The following CSMD3 variants were observed in gnomAD, a reference collection of about 807,000 sequenced individuals.
CSMD3 encodes CUB and sushi domain-containing protein 3.
A neutral mutation model predicts 435.2 loss-of-function variants in CSMD3; 177 were observed. The ratio of observed to expected loss-of-function variants is 0.41; its 90% CI spans 0.36 to 0.46. The LOEUF is 0.46. CSMD3 is among the 20% of genes least tolerant of loss of function. The pLI is 0.34. For synonymous variants in CSMD3, 1,656 were observed against 1,520.5 expected, an observed-to-expected ratio of 1.09 and a Z score of -2.07; for missense variants, 4,265 against 4,504.6, an observed-to-expected ratio of 0.95 and a Z score of 1.52.
rs572916998 is a variant in CSMD3 at position 112,525,943 on chromosome 8, C to A, written c.4565-8718G>T. On this transcript the variant is annotated intron_variant, in intron 27 of 70. Coordinates refer to ENST00000297405, the MANE Select transcript of CSMD3 (RefSeq NM_198123.2). ...ATATATATAAATATATATATAAAGA[C>A]CCTTTAACAAGTCAAGGCATACTAA... Among the ~76,000 whole-genome samples, 7 of 140,232 alleles carry A rather than the reference C, an allele frequency of 5.0e-5. No homozygotes were observed. The South Asian group carries it at 1.6e-3, about 32-fold the overall frequency. The allele number at this position is 140,232 out of a possible 152,430, so 92.0% of individuals were successfully genotyped here.
intron 27 of CSMD3, among the ~76,000 whole-genome samples, chr8:112,546,109 A>G (rs1209171667): frequency 1.3e-5 from 2 of 152,334 alleles, no homozygotes; most frequent in South Asian, 2.1e-4. Context: ...GAAACGTGCG[A>G]CGATATTGTC....
intron 22 of CSMD3, among the ~76,000 whole-genome samples, chr8:112,636,250 G>A (rs376163260): frequency 6.6e-6 from 1 of 151,946 alleles, no homozygotes. Flanking sequence ...TTCACAACAT[G>A]AATGAATAGC....
At chr8:112,490,363 C>T (rs931618647) in intron 31 of CSMD3, among the ~76,000 whole-genome samples, 1 of 152,054 alleles carries the variant, frequency 6.6e-6, no homozygotes, top group Non-Finnish European at 1.5e-5. Flanking sequence ...ATTAAGTATA[C>T]TTAATTGGGC....
chr8:112,246,395 A>T (rs1228058208), intron 64 of CSMD3, among the ~76,000 whole-genome samples: 1 of 152,180 alleles, frequency 6.6e-6, no homozygotes, highest in African/African-American at 2.4e-5. Flanking sequence ...AGATTTTTTT[A>T]AAAGGCAACT....
chr8:112,381,849 T>G (rs183139559), intron 37 of CSMD3, among the ~76,000 whole-genome samples: 113 of 152,308 alleles, frequency 7.4e-4, no homozygotes, highest in Non-Finnish European at 7.2e-4. Context: ...TAAGCCTCAA[T>G]TACCTACCAG....
chr8:113,001,516 T>C (rs926814116), intron 6 of CSMD3, among the ~76,000 whole-genome samples: 4 of 152,110 alleles, frequency 2.6e-5, no homozygotes, highest in African/African-American at 9.6e-5. Context: ...CACTTCATTA[T>C]GATAATATGT....
At chr8:113,016,466 T>C (rs764655638) in intron 6 of CSMD3, among the ~76,000 whole-genome samples, 2 of 151,858 alleles carry the variant, frequency 1.3e-5, no homozygotes, top group Non-Finnish European at 3.0e-5. Flanking sequence ...GCTAATGGCA[T>C]TCAATGAACC....
intron 4 of CSMD3, among the ~76,000 whole-genome samples, chr8:113,136,209 T>G (rs2091414810): frequency 6.6e-6 from 1 of 151,820 alleles, no homozygotes; most frequent in Admixed American, 6.6e-5. Context: ...CTAAAAAGTT[T>G]TCTGAGCCAT....
At chr8:113,408,125 C>G (rs2094541281) in intron 1 of CSMD3, among the ~76,000 whole-genome samples, 1 of 151,808 alleles carries the variant, frequency 6.6e-6, no homozygotes, top group Non-Finnish European at 1.5e-5. Context: ...GTTGGATTGT[C>G]TAACTCTATT....
chr8:112,271,575 G>A (rs1433964304), intron 59 of CSMD3, among the ~76,000 whole-genome samples: 3 of 151,918 alleles, frequency 2.0e-5, no homozygotes, highest in Non-Finnish European at 4.4e-5. Context: ...AATAGACTAG[G>A]GTTTAAATCT....
chr8:113,408,243 T>G (rs930716645), intron 1 of CSMD3, among the ~76,000 whole-genome samples: 1 of 152,174 alleles, frequency 6.6e-6, no homozygotes, highest in African/African-American at 2.4e-5. Context: ...ATGAAGTTGC[T>G]CTATGAGTCC....
chr8:113,307,488 CT>C, intron 2 of CSMD3, among the ~76,000 whole-genome samples: 1 of 151,980 alleles, frequency 6.6e-6, no homozygotes, highest in Non-Finnish European at 1.5e-5. Context: ...ATTTATTGTA[CT>C]ACCAGAAAGC....
chr8:112,288,984 T>C (rs566721331), intron 57 of CSMD3, among the ~76,000 whole-genome samples: 1 of 152,236 alleles, frequency 6.6e-6, no homozygotes, highest in Non-Finnish European at 1.5e-5. Flanking sequence ...AGAAAACCAC[T>C]GATACAATAT....
chr8:112,620,730 C>T (rs1033094141), intron 22 of CSMD3, among the ~76,000 whole-genome samples: 5 of 152,148 alleles, frequency 3.3e-5, no homozygotes, highest in African/African-American at 1.2e-4. Context: ...TGATCCCCGC[C>T]TCCTACTGCA....
intron 13 of CSMD3, among the ~76,000 whole-genome samples, chr8:112,753,476 T>C (rs1387346288): frequency 1.3e-5 from 2 of 152,190 alleles, no homozygotes; most frequent in Non-Finnish European, 2.9e-5. Context: ...TCAGGGTTGA[T>C]AGGCAATGCC....
At chr8:112,749,430 G>C (rs1252399221) in intron 13 of CSMD3, among the ~76,000 whole-genome samples, 1 of 152,030 alleles carries the variant, frequency 6.6e-6, no homozygotes, top group East Asian at 1.9e-4. Context: ...CTATGTCCAG[G>C]ATGGTATAGC....
intron 6 of CSMD3, among the ~76,000 whole-genome samples, chr8:113,017,250 T>G (rs969614586): frequency 6.6e-6 from 1 of 151,926 alleles, no homozygotes; most frequent in African/African-American, 2.4e-5. Context: ...AATTCCAATC[T>G]TAAAAATACT....
intron 22 of CSMD3, among the ~76,000 whole-genome samples, chr8:112,618,082 C>G: frequency 6.6e-6 from 1 of 151,988 alleles, no homozygotes. Context: ...AGAAAATTCT[C>G]TGGATTAAGA....
rs1035787671 is a variant in CSMD3 at position 112,974,560 on chromosome 8, C to T, written c.1342+1277G>A. ...ACTGTTTACTTTATTGAGTAAATCA[C>T]AAATTTTAACACGGTCCCTATATTC... On this transcript the variant is annotated intron_variant, in intron 7 of 70. Transcript: ENST00000297405. Among the ~76,000 whole-genome samples the T allele has an allele frequency of 5.5e-4, 84 of 151,660 alleles. 1 individual carries two copies. Among genetic ancestry groups the T allele is most frequent in the Non-Finnish European group, 9.9e-4 (67 of 67,746 alleles).
Sources: gnomAD v4.1 joint callset for allele counts (sites outside exome capture counted in the v4.1 genomes callset) on GRCh38, gnomAD v4.1.1 for gene constraint, MANE v1.5 for transcripts, NCBI Gene and HGNC (gene_info 2026-07-23, HGNC 2026-07-21) for gene names.